The following CPNE4 variants were observed in gnomAD, a reference collection of about 807,000 sequenced individuals.
CPNE4 encodes copine 4.
Under a neutral mutation model 67.9 loss-of-function variants are expected in CPNE4, and 25 were observed. The ratio of observed to expected loss-of-function variants is 0.37; its 90% CI spans 0.27 to 0.51. The LOEUF is 0.51. CPNE4 is among the 20% of genes least tolerant of loss of function. The pLI, the probability that CPNE4 is intolerant of heterozygous loss-of-function variation, is 0.93. For synonymous variants in CPNE4, 242 were observed against 244.9 expected (o/e 0.99, Z 0.11); for missense variants, 464 against 690.8 (o/e 0.67, Z 3.68).
intron 1 of CPNE4, among the ~76,000 whole-genome samples, chr3:131,961,137 C>G (rs535028483): frequency 2.6e-5 from 4 of 152,280 alleles, no homozygotes; most frequent in African/African-American, 9.6e-5. Flanking sequence ...GCATTTTTCT[C>G]CACGTGAACA....
At chr3:131,615,697 A>G (rs1940095151) in intron 7 of CPNE4, among the ~76,000 whole-genome samples, 1 of 152,074 alleles carries the variant, frequency 6.6e-6, no homozygotes, top group African/African-American at 2.4e-5. Flanking sequence ...CTCAGGCTCT[A>G]TTATGACACT....
chr3:131,905,829 C>T (rs919399425), intron 1 of CPNE4, among the ~76,000 whole-genome samples: 3 of 152,116 alleles, frequency 2.0e-5, no homozygotes, highest in Admixed American at 6.6e-5. Context: ...AATTTAATCA[C>T]ATCTCAAGTT....
intron 2 of CPNE4, among the ~76,000 whole-genome samples, chr3:131,882,238 T>C (rs556253764): frequency 3.9e-5 from 6 of 152,254 alleles, no homozygotes; most frequent in Admixed American, 3.3e-4. Flanking sequence ...ATTAGTATTT[T>C]ATATGTGTCA....
chr3:131,771,769 A>T (rs1365823635), intron 2 of CPNE4, among the ~76,000 whole-genome samples: 1 of 152,152 alleles, frequency 6.6e-6, no homozygotes, highest in East Asian at 1.9e-4. Context: ...TTGGATGCAG[A>T]ATCCACATTG....
At chr3:131,949,771 C>T (rs1443844506) in intron 1 of CPNE4, among the ~76,000 whole-genome samples, 7 of 152,136 alleles carry the variant, frequency 4.6e-5, no homozygotes, top group Non-Finnish European at 8.8e-5. Flanking sequence ...TATCTCCATT[C>T]TCTGCCTAAT....
In CPNE4 at chr3:131,638,008, T is replaced by C. The variant is rs571259772; in HGVS notation, c.681+31667A>G. Among the ~76,000 whole-genome samples the C allele has an allele frequency of 3.3e-5, 5 of 152,158 alleles. No homozygotes were observed. The Middle Eastern group carries it at 0.017, about 518-fold the overall frequency. On this transcript the variant is annotated intron_variant, in intron 7 of 15. Coordinates refer to ENST00000429747, the MANE Select transcript of CPNE4 (RefSeq NM_130808.3). ...GCTGAGCTAATTTGCCACTACCAAG[T>C]CAGCACTACAAAAACTACAAAGGGA...
chr3:131,795,757 G>A (rs1055466302), intron 2 of CPNE4, among the ~76,000 whole-genome samples: 1 of 152,212 alleles, frequency 6.6e-6, no homozygotes, highest in African/African-American at 2.4e-5. Context: ...GTCCCCTGGA[G>A]AATCATGAAG....
chr3:131,906,586 C>T (rs1168117093), intron 1 of CPNE4, among the ~76,000 whole-genome samples: 14 of 151,856 alleles, frequency 9.2e-5, no homozygotes, highest in Admixed American at 9.2e-4. Flanking sequence ...ATGAACTCAT[C>T]ATTTTTTATG....
chr3:131,675,789 C>T (rs1443075640), intron 6 of CPNE4, among the ~76,000 whole-genome samples: 2 of 151,548 alleles, frequency 1.3e-5, no homozygotes, highest in Non-Finnish European at 2.9e-5. Context: ...GTGTTTAGTC[C>T]CATTACATTC....
At chr3:131,771,107 G>T (rs1007179565) in intron 2 of CPNE4, among the ~76,000 whole-genome samples, 3 of 152,132 alleles carry the variant, frequency 2.0e-5, no homozygotes, top group African/African-American at 7.2e-5. Context: ...CTCCATGAAA[G>T]TAAGAAGCAC....
At chr3:131,560,058 T>C (rs561431447) in intron 11 of CPNE4, among the ~76,000 whole-genome samples, 20 of 152,208 alleles carry the variant, frequency 1.3e-4, no homozygotes, top group Non-Finnish European at 2.1e-4. Context: ...ACTTTAGAAC[T>C]GACACAATAG....
At chr3:131,583,867 G>A (rs1477943130) in intron 8 of CPNE4, among the ~76,000 whole-genome samples, 1 of 152,124 alleles carries the variant, frequency 6.6e-6, no homozygotes, top group African/African-American at 2.4e-5. Context: ...AGAAGAGAAA[G>A]AACTTTCCCA....
chr3:131,667,442 G>T (rs1379845040), intron 7 of CPNE4, among the ~76,000 whole-genome samples: 1 of 151,916 alleles, frequency 6.6e-6, no homozygotes, highest in African/African-American at 2.4e-5. Flanking sequence ...GACACAGGCA[G>T]CAGGGTGTGT....
intron 2 of CPNE4, among the ~76,000 whole-genome samples, chr3:131,864,821 C>T (rs1416766189): frequency 1.3e-5 from 2 of 152,026 alleles, no homozygotes; most frequent in African/African-American, 4.8e-5. Context: ...TTTGCCCATT[C>T]AGTAGGATAT....
intron 3 of CPNE4, among the ~76,000 whole-genome samples, chr3:131,719,306 T>C (rs1202046281): frequency 6.6e-6 from 1 of 152,218 alleles, no homozygotes; most frequent in Non-Finnish European, 1.5e-5. Flanking sequence ...AGACATTAAA[T>C]CTTTCTGATC....
intron 12 of CPNE4, among the ~76,000 whole-genome samples, chr3:131,555,032 A>T (rs1313073704): frequency 1.3e-5 from 2 of 152,076 alleles, no homozygotes; most frequent in Non-Finnish European, 2.9e-5. Context: ...TCTCTAAGTC[A>T]TAATAGTTCT....
intron 6 of CPNE4, among the ~76,000 whole-genome samples, chr3:131,683,778 G>A (rs868345857): frequency 6.6e-6 from 1 of 152,112 alleles, no homozygotes; most frequent in East Asian, 1.9e-4. Context: ...AATTTATTTA[G>A]GACCCCAGAG....
chr3:131,657,704 TTGTGTGTG>T (rs56890555), intron 7 of CPNE4, among the ~76,000 whole-genome samples: 4,271 of 140,852 alleles, frequency 0.03, 80 homozygotes, highest in East Asian at 0.094. Context: ...CCAGCTAATT[TTGTGTGTG>T]TGTGTGTGTG....
chr3:131,764,412 C>G (rs1421131249), intron 2 of CPNE4, among the ~76,000 whole-genome samples: 1 of 151,960 alleles, frequency 6.6e-6, no homozygotes, highest in East Asian at 1.9e-4. Flanking sequence ...TCTCTTAGTT[C>G]TAATTATTGT....
Sources: allele counts gnomAD v4.1 joint callset (sites outside exome capture counted in the v4.1 genomes callset), GRCh38; gene constraint gnomAD v4.1.1; transcripts MANE v1.5; gene names NCBI Gene and HGNC (gene_info 2026-07-23, HGNC 2026-07-21).